Variants in PCDHGA5 observed in about 807,000 individuals in gnomAD.
PCDHGA5 encodes the protein protocadherin gamma-A5.
PCDHGA5 carries 36 observed loss-of-function variants against 56.7 expected under a neutral mutation model. The observed-to-expected ratio is 0.64, with a 90% CI of 0.49 to 0.84. The LOEUF (loss-of-function observed/expected upper bound fraction) is 0.84. Among genes scored for constraint, PCDHGA5 ranks in the 40% least tolerant of loss-of-function variants. The probability of loss-of-function intolerance (pLI) is 0.00; values close to 1 mark genes in which losing one functional copy is unlikely to be tolerated. For missense variants in PCDHGA5, 1,305 were observed against 1,201.5 expected, an observed-to-expected ratio of 1.09 and a Z score of -1.27; for synonymous variants, 563 against 520.2, an observed-to-expected ratio of 1.08 and a Z score of -1.12.
chr5:141,383,357 C>A lies in PCDHGA5; in HGVS notation c.2421+16606C>A, dbSNP rs769784659. The A allele has an allele frequency of 9.9e-6, 16 of 1,613,956 alleles. No homozygotes were observed. The South Asian group carries it at 1.8e-4, about 18-fold the overall frequency. ...AATACAGCTCCTGGGGTTCGGTTTC[C>A]GTTAAGCGAGGCTGGGGATCCAGAT... On this transcript the variant is annotated intron_variant, in intron 1 of 3. Transcript: ENST00000518069.
rs1412764202 is a variant in PCDHGA5, at chr5:141,486,708, C to T, written c.2422-8099C>T. The T allele has an allele frequency of 1.2e-6, 2 of 1,614,062 alleles. No individual in the cohort carries two copies. Among genetic ancestry groups the T allele is most frequent in the Non-Finnish European group, 1.7e-6 (2 of 1,180,054 alleles). ...GCTTCCTCTTTCATCTCTCTGAACC[C>T]CCAGACAGGAGCTGTTCATGCTACT... On this transcript the variant is annotated intron_variant, in intron 1 of 3. Coordinates refer to ENST00000518069, the MANE Select transcript of PCDHGA5 (RefSeq NM_018918.3). This position sits in a 1 kb window ranked among gnomAD's most constrained non-coding sequence, Gnocchi z 5.0.
At chr5:141,480,726 G>A (rs2099524533) in intron 1 of PCDHGA5, among the ~76,000 whole-genome samples, 1 of 152,138 alleles carries the variant, frequency 6.6e-6, no homozygotes, top group Non-Finnish European at 1.5e-5. Context: ...CACAGTCTCT[G>A]GGGGTGGGAC....
intron 1 of PCDHGA5, chr5:141,370,892 G>A: frequency 6.2e-7 from 1 of 1,613,936 alleles, no homozygotes; most frequent in Non-Finnish European, 8.5e-7. Context: ...GTGTCAATTC[G>A]CTGCAGCAGT....
intron 1 of PCDHGA5, chr5:141,409,913 G>A: frequency 6.2e-7 from 1 of 1,613,334 alleles, no homozygotes; most frequent in South Asian, 1.1e-5. Flanking sequence ...GGGTCCTGAC[G>A]GCTCCGCGTT....
chr5:141,482,967 AGCAGCTACTT>A (rs2099575323), intron 1 of PCDHGA5, among the ~76,000 whole-genome samples: 1 of 58,122 alleles, frequency 1.7e-5, no homozygotes, highest in African/African-American at 2.6e-4. Flanking sequence ...CAGCTACTTG[AGCAGCTACTT>A]GAGAGGTCGA....
rs1331251272 is a variant in PCDHGA5 at position 141,394,996 on chromosome 5, C to G, written c.2421+28245C>G. The G allele has an allele frequency of 3.1e-6, 5 of 1,614,034 alleles. No individual in the cohort carries two copies. In the South Asian group the frequency reaches 5.5e-5, roughly 18 times the overall value. On this transcript the variant is annotated intron_variant, in intron 1 of 3. Coordinates refer to ENST00000518069, the MANE Select transcript of PCDHGA5 (RefSeq NM_018918.3). ...CACAAGTCACGCCTGCTCCAGGATTCCGGTGGCAGATTGGTAGGCGTGCCT... is the reference window on the plus strand; with the variant it reads ...CACAAGTCACGCCTGCTCCAGGATTGCGGTGGCAGATTGGTAGGCGTGCCT...
At position 141,432,834 on chromosome 5, in the gene PCDHGA5, A is replaced by G; in HGVS notation, c.2422-61973A>G. 6.2e-7 allele frequency: 1 copy of G among 1,614,082 alleles called. No homozygotes were observed. The highest frequency in any genetic ancestry group is 8.5e-7 in the Non-Finnish European group (1 of 1,179,978). ...TCTGAAACCTCAGACCTCACTCTGTACCTGGTGGTAGCGGTGGCCGCGGTC... is the reference window on the plus strand; with the variant it reads ...TCTGAAACCTCAGACCTCACTCTGTGCCTGGTGGTAGCGGTGGCCGCGGTC... On this transcript the variant is annotated intron_variant, in intron 1 of 3. Transcript: ENST00000518069. This position sits in a 1 kb window ranked among gnomAD's most constrained non-coding sequence, Gnocchi z 6.0.
At chr5:141,423,067 G>C (rs757110751) in intron 1 of PCDHGA5, 36 of 1,614,024 alleles carry the variant, frequency 2.2e-5, no homozygotes, top group Non-Finnish European at 2.9e-5. Context: ...TAAGGCCAGC[G>C]AGCCGGGACT....
intron 1 of PCDHGA5, chr5:141,390,345 A>G: frequency 6.3e-7 from 1 of 1,576,504 alleles, no homozygotes; most frequent in Non-Finnish European, 8.7e-7. Context: ...TTCACAAGAA[A>G]ATATACATAT....
At chr5:141,418,124 C>G (rs762154093) in intron 1 of PCDHGA5, 1 of 1,613,836 alleles carries the variant, frequency 6.2e-7, no homozygotes, top group African/African-American at 1.3e-5. Context: ...TGTGAAGGAC[C>G]GAATAGACCG....
At chr5:141,426,581 CCT>C (rs898552856) in intron 1 of PCDHGA5, 1 of 358,350 alleles carries the variant, frequency 2.8e-6, no homozygotes, top group Non-Finnish European at 5.6e-6. Flanking sequence ...TCTTCAAAAT[CCT>C]CTGTGTCATA....
chr5:141,499,089 A>G (rs1417307590), intron 2 of PCDHGA5, among the ~76,000 whole-genome samples: 2 of 152,116 alleles, frequency 1.3e-5, no homozygotes, highest in Non-Finnish European at 1.5e-5. Context: ...CCTGCTTGGC[A>G]CATGCTTCTC....
At position 141,487,148 on chromosome 5, in the gene PCDHGA5, G is replaced by A; in HGVS notation, c.2422-7659G>A. ...TGGTAGTCCACCACTCTCTACCTCT[G>A]TTACTCTCTTAGTGTCCTTAGAGGA... On this transcript the variant is annotated intron_variant, in intron 1 of 3. Transcript: ENST00000518069. This position sits in a 1 kb window ranked among gnomAD's most constrained non-coding sequence, Gnocchi z 5.0. The A allele has an allele frequency of 6.2e-7, 1 of 1,614,042 alleles. No homozygotes were observed. The highest frequency in any genetic ancestry group is 8.5e-7 in the Non-Finnish European group (1 of 1,179,922).
chr5:141,421,831 G>C lies in PCDHGA5; in HGVS notation c.2421+55080G>C, dbSNP rs201283981. ...AGAGCTAGTACTGGAGGGAAGCCTG[G>C]ACCGAGAGAAAGAGGCTGCTCACCT... On this transcript the variant is annotated intron_variant, in intron 1 of 3. Transcript: ENST00000518069. 68 of 1,613,784 alleles carry C rather than the reference G, an allele frequency of 4.2e-5. 1 individual carries two copies. The East Asian group carries it at 1.4e-3, about 33-fold the overall frequency.
intron 1 of PCDHGA5, among the ~76,000 whole-genome samples, chr5:141,456,918 G>A (rs535602842): frequency 6.6e-6 from 1 of 152,006 alleles, no homozygotes; most frequent in African/African-American, 2.4e-5. Context: ...AGCCGAGATC[G>A]CACCACTGCA....
chr5:141,366,986 G>T, intron 1 of PCDHGA5: 1 of 493,134 alleles, frequency 2.0e-6, no homozygotes, highest in Non-Finnish European at 3.4e-6. Context: ...AAGGAAAGTG[G>T]TTAAATATAA....
At chr5:141,370,902 T>A in intron 1 of PCDHGA5, 1 of 1,614,046 alleles carries the variant, frequency 6.2e-7, no homozygotes, top group South Asian at 1.1e-5. Flanking sequence ...GCTGCAGCAG[T>A]ACTACCTCAG....
rs1301787934 is a variant in PCDHGA5 at position 141,476,164 on chromosome 5, A to G, written c.2422-18643A>G. Reference sequence around the variant, plus strand: ...GCGGACTGGTAAGCACCGGGAGGGTAGTGGGAGTTTTGCTTCTGCTTGGTG... The same window carrying G: ...GCGGACTGGTAAGCACCGGGAGGGTGGTGGGAGTTTTGCTTCTGCTTGGTG... On this transcript the variant is annotated intron_variant, in intron 1 of 3. Transcript: ENST00000518069. This position sits in a 1 kb window ranked among gnomAD's most constrained non-coding sequence, Gnocchi z 7.6. 6.2e-7 allele frequency: 1 copy of G among 1,613,116 alleles called. No individual in the cohort carries two copies.
intron 2 of PCDHGA5, among the ~76,000 whole-genome samples, chr5:141,497,540 C>A (rs866982821): frequency 7.4e-6 from 1 of 134,944 alleles, no homozygotes; most frequent in African/African-American, 2.8e-5. Context: ...TGCAACAAAC[C>A]TTTTTTTTTT....
Sources: gnomAD v4.1 joint callset for allele counts (sites outside exome capture counted in the v4.1 genomes callset) on GRCh38, gnomAD v4.1.1 for gene constraint, Gnocchi (gnomAD v3.1) non-coding constraint, MANE v1.5 for transcripts, NCBI Gene and HGNC (gene_info 2026-07-23, HGNC 2026-07-21) for gene names.